Variants in DLG4 observed in about 807,000 individuals in gnomAD.
The protein encoded by DLG4 is disks large homolog 4.
Under a neutral mutation model 93.8 loss-of-function variants are expected in DLG4, and 7 were observed. The ratio of observed to expected loss-of-function variants is 0.07; its 90% CI spans 0.04 to 0.14. The LOEUF (loss-of-function observed/expected upper bound fraction) is 0.14. Ranked by LOEUF, DLG4 falls within the 10% of genes least tolerant of loss-of-function variation. The probability of loss-of-function intolerance (pLI) is 1.00; values close to 1 mark genes in which losing one functional copy is unlikely to be tolerated. For synonymous variants in DLG4, 341 were observed against 387.6 expected (o/e 0.88, Z 1.41); for missense variants, 545 against 992.9 (o/e 0.55, Z 6.06).
rs1279588105 is a variant in DLG4 at position 7,191,139 on chromosome 17, CGT to C, written c.2068+126_2068+127del. 1.1e-4 allele frequency: 87 copies of C among 808,876 alleles called. 2 individuals carry two copies. The Admixed American group carries it at 1.8e-3, about 17-fold the overall frequency. The allele number at this position is 808,876 out of a possible 1,614,324, so 50.1% of individuals were successfully genotyped here. A position where few individuals can be genotyped will look rare whatever the true frequency, so the allele number is the denominator to read the frequency against. On this transcript the variant is annotated intron_variant, in intron 19 of 19. Transcript: ENST00000399506. This position sits in a 1 kb window ranked among gnomAD's most constrained non-coding sequence, Gnocchi z 6.6. ...TGCCCGCCAGTGCTGGGATTACAGG[CGT>C]GAGCCACCATGCCGCGCCCACAGGG...
chr17:7,207,810 GCA>G (rs2070542795), intron 2 of DLG4, among the ~76,000 whole-genome samples: 1 of 151,686 alleles, frequency 6.6e-6, no homozygotes, highest in Non-Finnish European at 1.5e-5. Context: ...ACGCGCACAG[GCA>G]CGCGCGCACA....
chr17:7,210,011 T>G (rs775729535), intron 1 of DLG4, among the ~76,000 whole-genome samples: 1 of 152,118 alleles, frequency 6.6e-6, no homozygotes, highest in Admixed American at 6.5e-5. Context: ...CACTGCACTC[T>G]AGCCTGGCGA....
rs1597452186 is a variant in DLG4 at position 7,196,401 on chromosome 17, T to A, written c.1187-67A>T. 6.2e-7 allele frequency: 1 copy of A among 1,609,092 alleles called. No individual in the cohort carries two copies. The highest frequency in any genetic ancestry group is 2.2e-5 in the East Asian group (1 of 44,840). ...TACTGTCACCCCTGTCCTCCCCTAC[T>A]GAAGCCATCAGCTGAGGAAGAGTTC... On this transcript the variant is annotated intron_variant, in intron 10 of 19. Coordinates refer to ENST00000399506, the MANE Select transcript of DLG4 (RefSeq NM_001321075.3). This position sits in a 1 kb window ranked among gnomAD's most constrained non-coding sequence, Gnocchi z 8.3.
rs552454133 is a variant in DLG4, at chr17:7,187,317, G to C, written c.*3391C>G. ...CACTTTGGGAGGCCGAGGGGGGGGG[G>C]GGTGGATCACCCGAGGTCAGGAGTT... On this transcript the variant is annotated 3_prime_UTR_variant, in exon 20 of 20. Coordinates refer to ENST00000399506, the MANE Select transcript of DLG4 (RefSeq NM_001321075.3). 2.0e-4 allele frequency among the ~76,000 whole-genome samples: 23 copies of C among 117,604 alleles called. 3 individuals carry two copies. Among genetic ancestry groups the C allele is most frequent in the African/African-American group, 5.9e-4 (22 of 37,330 alleles). 77.2% of individuals were successfully genotyped at this position (117,604 alleles called of 152,430 possible). A position where few individuals can be genotyped will look rare whatever the true frequency, so the allele number is the denominator to read the frequency against.
rs2069582120 is a variant in DLG4 at position 7,192,935 on chromosome 17, C to T, written c.1866+10G>A. ...AGAAGGAAGAGGACCGGGTGCCCGC[C>T]AGGTCCTACCTGCTCTGCCACCTCT... On this transcript the variant is annotated intron_variant, in intron 17 of 19. Transcript: ENST00000399506. 2 of 1,606,182 alleles carry T rather than the reference C, an allele frequency of 1.2e-6. No individual in the cohort carries two copies. Among genetic ancestry groups the T allele is most frequent in the Admixed American group, 1.7e-5 (1 of 58,836 alleles).
intron 8 of DLG4, among the ~76,000 whole-genome samples, chr17:7,200,651 A>G (rs1173392896): frequency 6.6e-6 from 1 of 151,860 alleles, no homozygotes; most frequent in Admixed American, 6.6e-5. Context: ...GGTTCAAGCA[A>G]TTCTCCTGCC....
chr17:7,190,551 G>A lies in DLG4; in HGVS notation c.*157C>T. On this transcript the variant is annotated 3_prime_UTR_variant, in exon 20 of 20. Transcript: ENST00000399506. ...GGGGTGCGGGGATACATGCAGAGGA[G>A]TGTCCCCCCTCCAACAGGCTGGATC... 3 of 646,914 alleles carry A rather than the reference G, an allele frequency of 4.6e-6. No individual in the cohort carries two copies. The Admixed American group carries it at 7.1e-5, about 15-fold the overall frequency. 40.1% of individuals were successfully genotyped at this position (646,914 alleles called of 1,614,324 possible).
Position 7,203,020 on chromosome 17 carries a change from T to C in DLG4, c.670A>G (p.Met224Val), listed in dbSNP as rs776880517. ...AGGGCTGCCACAGCATCTTCATGCA[T>C]GACGTCCTCTAGCCCCACACTGTTG... ...AVNSVGLEDV[M>V]HEDAVAALKN... The change falls in exon 8 of 20, where the codon ATG becomes GTG. Residue 224 changes from methionine to valine, a missense_variant. Met to Val is a conservative substitution (Grantham distance 21). This residue lies in a region of DLG4 where 428 missense variants were observed against 741.4 expected (regional missense o/e 0.58). Coordinates refer to ENST00000399506, the MANE Select transcript of DLG4 (RefSeq NM_001321075.3). The surrounding 1 kb of genome is among the most constrained non-coding windows in gnomAD (Gnocchi z 7.2). 58 of 1,611,602 alleles carry C rather than the reference T, an allele frequency of 3.6e-5. No homozygotes were observed. Among genetic ancestry groups the C allele is most frequent in the Non-Finnish European group, 4.7e-5 (55 of 1,177,880 alleles).
At chr17:7,218,634 TG>T, upstream of DLG4, 2 of 1,560,508 alleles carry the variant, frequency 1.3e-6, no homozygotes, top group Non-Finnish European at 1.7e-6. Flanking sequence ...AGGGCTGACC[TG>T]GGAGCTAGTG....
rs534415331 is a variant in DLG4, at chr17:7,189,809, C to A, written c.*899G>T. The stretch of plus-strand genomic sequence containing the variant: ...TTTTCCAGGCCACTAACCTCTCTGG[C>A]TTGGAGTGAAGAAGGATCTGACTCT... On this transcript the variant is annotated 3_prime_UTR_variant, in exon 20 of 20. Coordinates refer to ENST00000399506, the MANE Select transcript of DLG4 (RefSeq NM_001321075.3). The A allele has an allele frequency of 2.2e-3, 330 of 152,754 alleles. No individual in the cohort carries two copies. Among genetic ancestry groups the A allele is most frequent in the Non-Finnish European group, 3.3e-3 (223 of 68,060 alleles). The allele number at this position is 152,754 out of a possible 1,614,324, so 9.5% of individuals were successfully genotyped here. A position where few individuals can be genotyped will look rare whatever the true frequency, so the allele number is the denominator to read the frequency against.
Position 7,196,781 on chromosome 17 carries a change from C to T in DLG4, c.1059G>A (p.Leu353=). The T allele has an allele frequency of 1.2e-6, 2 of 1,609,852 alleles. No individual in the cohort carries two copies. The highest frequency in any genetic ancestry group is 2.2e-5 in the East Asian group (1 of 44,642). The part of the protein sequence containing the change: ...AGGPADLSGE[L]RKGDQILSVN... Reference sequence around the variant, plus strand: ...CCGACAGGATCTGGTCCCCCTTCCGCAGCTCCCCACTGAGGTCTGCAGGGC... The same window carrying T: ...CCGACAGGATCTGGTCCCCCTTCCGTAGCTCCCCACTGAGGTCTGCAGGGC... Residue 353 remains leucine (L), a synonymous_variant, in exon 9 of 20, where the codon CTG becomes CTA. Transcript: ENST00000399506. This position sits in a 1 kb window ranked among gnomAD's most constrained non-coding sequence, Gnocchi z 8.3.
At chr17:7,206,916 A>T (rs571505012) in intron 2 of DLG4, among the ~76,000 whole-genome samples, 1 of 151,812 alleles carries the variant, frequency 6.6e-6, no homozygotes, top group Admixed American at 6.6e-5. Flanking sequence ...GTGTCCCCTC[A>T]ATCTCACAGC....
At position 7,194,565 on chromosome 17, in the gene DLG4, G is replaced by C; in HGVS notation, c.1302-70C>G. The C allele has an allele frequency of 2.6e-6, 4 of 1,521,390 alleles. No individual in the cohort carries two copies. Among genetic ancestry groups the C allele is most frequent in the Non-Finnish European group, 3.5e-6 (4 of 1,128,556 alleles). The allele number at this position is 1,521,390 out of a possible 1,614,324, so 94.2% of individuals were successfully genotyped here. ...AGGAAGGATGCCCCAGTCACCCAAAGACCCGGCCCAGAGGTCTGCAGATGG... is the reference window on the plus strand; with the variant it reads ...AGGAAGGATGCCCCAGTCACCCAAACACCCGGCCCAGAGGTCTGCAGATGG... On this transcript the variant is annotated intron_variant, in intron 11 of 19. Transcript: ENST00000399506. This position sits in a 1 kb window ranked among gnomAD's most constrained non-coding sequence, Gnocchi z 4.4.
chr17:7,203,378 G>C lies in DLG4; in HGVS notation c.505+46C>G. The C allele has an allele frequency of 6.3e-7, 1 of 1,593,132 alleles. No homozygotes were observed. ...TGGGTGCCCAGGAAGCAGGCTTGGG[G>C]GCACAGGACAGTTGGGATGGGGGTG... On this transcript the variant is annotated intron_variant, in intron 6 of 19. Transcript: ENST00000399506. The surrounding 1 kb of genome is among the most constrained non-coding windows in gnomAD (Gnocchi z 7.2).
Position 7,208,530 on chromosome 17 carries a change from C to A in DLG4, c.31-291G>T, listed in dbSNP as rs1342803564. On this transcript the variant is annotated intron_variant, in intron 1 of 19. Transcript: ENST00000399506. The surrounding 1 kb of genome is among the most constrained non-coding windows in gnomAD (Gnocchi z 5.4). Reference sequence around the variant, plus strand: ...GACACTGGCCTTCTGGTGGGCATAGCCCCTCTGGCATCTGTGTCTTCACCC... The same window carrying A: ...GACACTGGCCTTCTGGTGGGCATAGACCCTCTGGCATCTGTGTCTTCACCC... Among the ~76,000 whole-genome samples the A allele has an allele frequency of 1.3e-5, 2 of 152,126 alleles. No homozygotes were observed. The highest frequency in any genetic ancestry group is 2.9e-5 in the Non-Finnish European group (2 of 68,018).
intron 8 of DLG4, among the ~76,000 whole-genome samples, chr17:7,197,632 G>A (rs1025332335): frequency 2.9e-4 from 44 of 152,070 alleles, no homozygotes; most frequent in Non-Finnish European, 4.3e-4. Flanking sequence ...TTACAGGCGC[G>A]CGCCACCATG....
intron 8 of DLG4, among the ~76,000 whole-genome samples, chr17:7,198,853 A>G (rs1334124522): frequency 6.7e-6 from 1 of 149,944 alleles, no homozygotes; most frequent in Non-Finnish European, 1.5e-5. Flanking sequence ...ATCTCAAAAA[A>G]AAAAAAAAAA....
chr17:7,191,374 G>A lies in DLG4; in HGVS notation c.1977-16C>T, dbSNP rs1302887059. 5 of 1,612,124 alleles carry A rather than the reference G, an allele frequency of 3.1e-6. No homozygotes were observed. The African/African-American group carries it at 5.3e-5, about 17-fold the overall frequency. On this transcript the variant is annotated splice_polypyrimidine_tract_variant and intron_variant, in intron 18 of 19. Transcript: ENST00000399506. This position sits in a 1 kb window ranked among gnomAD's most constrained non-coding sequence, Gnocchi z 6.6. ...GTTAATCTCTCTGTGAAGAGGGAGG[G>A]AGAGCAGGCCTGAGACTGGACCCAC...
chr17:7,196,729 G>C lies in DLG4; in HGVS notation c.1083+28C>G. On this transcript the variant is annotated intron_variant, in intron 9 of 19. Transcript: ENST00000399506. This position sits in a 1 kb window ranked among gnomAD's most constrained non-coding sequence, Gnocchi z 8.3. ...CGCTCTGCCCTGTGGGGAGGGGGTG[G>C]TGCAGGTAGGGGCAGGCCTTCCCTC... 1 of 1,588,654 alleles carries C rather than the reference G, an allele frequency of 6.3e-7. No homozygotes were observed. Among genetic ancestry groups the C allele is most frequent in the Non-Finnish European group, 8.6e-7 (1 of 1,167,430 alleles).
Sources: allele counts gnomAD v4.1 joint callset (sites outside exome capture counted in the v4.1 genomes callset), GRCh38; gene constraint gnomAD v4.1.1; regional missense constraint gnomAD v4.1.1; non-coding constraint Gnocchi (gnomAD v3.1); transcripts MANE v1.5; gene names NCBI Gene and HGNC (gene_info 2026-07-23, HGNC 2026-07-21).